LSAMP: variants seen among roughly 807,000 people sequenced by gnomAD.
LSAMP encodes limbic system-associated membrane protein.
In LSAMP, 7 loss-of-function variants were observed where a neutral mutation model predicts 38.6. The ratio of observed to expected loss-of-function variants is 0.18; its 90% confidence interval spans 0.10 to 0.34. LSAMP has a LOEUF of 0.34. Among genes scored for constraint, LSAMP ranks in the 10% least tolerant of loss-of-function variants. LSAMP has a pLI of 1.00. For missense variants in LSAMP, 313 were observed against 420.0 expected (o/e 0.75, Z 2.23); for synonymous variants, 154 against 166.8 (o/e 0.92, Z 0.59).
At chr3:116,273,683 CAT>C (rs1553719897) in intron 1 of LSAMP, among the ~76,000 whole-genome samples, 1,976 of 50,512 alleles carry the variant, frequency 0.039, 141 homozygotes, top group Middle Eastern at 0.15. Context: ...GAGAAAGAGG[CAT>C]ATATATATAT....
intron 1 of LSAMP, among the ~76,000 whole-genome samples, chr3:116,145,711 A>C (rs1030717712): frequency 6.6e-6 from 1 of 151,996 alleles, no homozygotes; most frequent in Non-Finnish European, 1.5e-5. Context: ...TATCTTTTAT[A>C]GAATATATAA....
At chr3:116,195,626 T>A (rs534677478) in intron 1 of LSAMP, among the ~76,000 whole-genome samples, 28 of 152,054 alleles carry the variant, frequency 1.8e-4, no homozygotes, top group African/African-American at 6.8e-4. Flanking sequence ...TAGCACATAC[T>A]TAGTCAGTTT....
intron 1 of LSAMP, among the ~76,000 whole-genome samples, chr3:116,101,776 A>G (rs975493293): frequency 6.6e-6 from 1 of 152,184 alleles, no homozygotes; most frequent in African/African-American, 2.4e-5. Flanking sequence ...TTAAGAGTGA[A>G]AACAAAAACT....
In LSAMP at chr3:115,807,847, A is replaced by G. The variant is rs948163195; in HGVS notation, c.*2470T>C. ...CATAGGAATATGGCTCACCTTCCCTATATTTTACTAGCTACCTTCTTGGAT... is the reference window on the plus strand; with the variant it reads ...CATAGGAATATGGCTCACCTTCCCTGTATTTTACTAGCTACCTTCTTGGAT... On this transcript the variant is annotated 3_prime_UTR_variant, in exon 7 of 7. Coordinates refer to ENST00000490035, the MANE Select transcript of LSAMP (RefSeq NM_002338.5). 7 of 152,094 alleles carry G rather than the reference A, an allele frequency of 4.6e-5. No individual in the cohort carries two copies. The highest frequency in any genetic ancestry group is 3.9e-4 in the East Asian group (2 of 5,184). 9.4% of individuals were successfully genotyped at this position (152,094 alleles called of 1,614,324 possible).
intron 1 of LSAMP, among the ~76,000 whole-genome samples, chr3:116,187,595 C>T (rs1425744843): frequency 6.6e-6 from 1 of 152,006 alleles, no homozygotes; most frequent in African/African-American, 2.4e-5. Context: ...CTTCCTATTC[C>T]TTTTCCACTT....
intron 1 of LSAMP, among the ~76,000 whole-genome samples, chr3:116,376,993 C>T (rs923679587): frequency 2.0e-5 from 3 of 151,666 alleles, no homozygotes; most frequent in Admixed American, 6.6e-5. Context: ...CTTTTATTTC[C>T]CTCTTTATTC....
chr3:116,075,027 G>C (rs1020450474), intron 2 of LSAMP, among the ~76,000 whole-genome samples: 1 of 151,462 alleles, frequency 6.6e-6, no homozygotes, highest in African/African-American at 2.4e-5. Flanking sequence ...ATAGAGACAT[G>C]GGGTTTCTCC....
intron 3 of LSAMP, among the ~76,000 whole-genome samples, chr3:115,858,323 A>G (rs1195433194): frequency 6.6e-6 from 1 of 152,176 alleles, no homozygotes; most frequent in African/African-American, 2.4e-5. Context: ...AACCAGCCCC[A>G]TATTTGGAAT....
chr3:115,977,449 C>T (rs1169713540), intron 3 of LSAMP, among the ~76,000 whole-genome samples: 1 of 151,980 alleles, frequency 6.6e-6, no homozygotes, highest in Non-Finnish European at 1.5e-5. Context: ...CAGATTTGGC[C>T]CAACCACTCT....
At chr3:115,896,797 T>C (rs1457813320) in intron 3 of LSAMP, among the ~76,000 whole-genome samples, 2 of 152,112 alleles carry the variant, frequency 1.3e-5, no homozygotes, top group Non-Finnish European at 2.9e-5. Context: ...TTATCCTCAG[T>C]GAAAGGACTT....
intron 3 of LSAMP, among the ~76,000 whole-genome samples, chr3:115,929,388 A>T (rs1334086942): frequency 6.6e-6 from 1 of 152,142 alleles, no homozygotes. Context: ...TACTTGTGAC[A>T]CTACTTTGAT....
chr3:116,192,031 G>A (rs1710765946), intron 1 of LSAMP, among the ~76,000 whole-genome samples: 1 of 150,620 alleles, frequency 6.6e-6, no homozygotes, highest in South Asian at 2.1e-4. Context: ...GGAAAAAAAA[G>A]AGATAACAAA....
At chr3:116,340,816 A>G (rs1576143324) in intron 1 of LSAMP, among the ~76,000 whole-genome samples, 1 of 152,154 alleles carries the variant, frequency 6.6e-6, no homozygotes, top group East Asian at 1.9e-4. Flanking sequence ...ATTATAACAC[A>G]TAAATGTCTC....
chr3:116,159,829 TGCCCAATAATGGTAGAGTGGATGAAGAA>T (rs1180996410), intron 1 of LSAMP, among the ~76,000 whole-genome samples: 1 of 152,128 alleles, frequency 6.6e-6, no homozygotes, highest in African/African-American at 2.4e-5. Context: ...ACAACCTAAA[TGCCCAATAATGGTAGAGTGGATGAAGAA>T]AATGTGGTAT....
At chr3:115,935,591 T>A (rs1249474577) in intron 3 of LSAMP, among the ~76,000 whole-genome samples, 1 of 152,180 alleles carries the variant, frequency 6.6e-6, no homozygotes. Context: ...AAAAGTCTTA[T>A]CTTACGAGAG....
intron 1 of LSAMP, among the ~76,000 whole-genome samples, chr3:116,142,283 A>G (rs1576389796): frequency 2.0e-5 from 3 of 152,162 alleles, no homozygotes; most frequent in Non-Finnish European, 4.4e-5. Flanking sequence ...ATAAATTTAC[A>G]TGGGATGACT....
At chr3:116,241,518 A>T (rs1046268548) in intron 1 of LSAMP, among the ~76,000 whole-genome samples, 22 of 152,298 alleles carry the variant, frequency 1.4e-4, no homozygotes, top group African/African-American at 5.1e-4. Flanking sequence ...AGTGAGCTGG[A>T]TTGTGCCACT....
At chr3:116,170,359 G>A (rs1013038308) in intron 1 of LSAMP, among the ~76,000 whole-genome samples, 2 of 151,990 alleles carry the variant, frequency 1.3e-5, no homozygotes, top group South Asian at 2.1e-4. Context: ...TAATGTACTC[G>A]CTTTGTGGCT....
At chr3:116,035,206 A>G (rs1941020652) in intron 2 of LSAMP, among the ~76,000 whole-genome samples, 1 of 152,230 alleles carries the variant, frequency 6.6e-6, no homozygotes, top group African/African-American at 2.4e-5. Flanking sequence ...TATGCTGGTA[A>G]TTGATAACAT....
Sources: allele counts gnomAD v4.1 joint callset (sites outside exome capture counted in the v4.1 genomes callset), GRCh38; gene constraint gnomAD v4.1.1; transcripts MANE v1.5; gene names NCBI Gene and HGNC (gene_info 2026-07-23, HGNC 2026-07-21).